The following FMN2 variants were observed in gnomAD, a reference collection of about 807,000 sequenced individuals.
FMN2 encodes formin 2, also known as formin-2.
In FMN2, 51 loss-of-function variants were observed where a neutral mutation model predicts 142.3. That is an observed-to-expected ratio of 0.36 (90% CI 0.29 to 0.45). FMN2 has a LOEUF of 0.45. Ranked by LOEUF, FMN2 falls within the 20% of genes least tolerant of loss-of-function variation. The pLI is 1.00. For missense variants in FMN2, 1,936 were observed against 2,122.8 expected (o/e 0.91, Z 1.73); for synonymous variants, 882 against 869.8 (o/e 1.01, Z -0.25).
chr1:240,205,456 C>CTTTTTTTT (rs36115091), intron 4 of FMN2, among the ~76,000 whole-genome samples: 7 of 97,474 alleles, frequency 7.2e-5, no homozygotes, highest in African/African-American at 2.2e-4. Context: ...ATGCTCTTTC[C>CTTTTTTTT]TTTTTTTTTT....
At chr1:240,314,861 T>G (rs1670719997) in intron 8 of FMN2, among the ~76,000 whole-genome samples, 1 of 152,248 alleles carries the variant, frequency 6.6e-6, no homozygotes, top group African/African-American at 2.4e-5. Context: ...TGTTCTTCTG[T>G]GATCTGCCTC....
At chr1:240,358,708 A>G (rs989327939) in intron 14 of FMN2, among the ~76,000 whole-genome samples, 2 of 152,106 alleles carry the variant, frequency 1.3e-5, no homozygotes, top group African/African-American at 4.8e-5. Flanking sequence ...TATCATAAGA[A>G]CGGCATGGAG....
intron 6 of FMN2, among the ~76,000 whole-genome samples, chr1:240,224,705 A>G (rs1477244181): frequency 6.6e-6 from 1 of 152,160 alleles, no homozygotes; most frequent in Non-Finnish European, 1.5e-5. Flanking sequence ...GCCGCACAGA[A>G]AGCCAATCAC....
Position 240,127,147 on chromosome 1 carries a change from T to A in FMN2, c.1782+3802T>A, listed in dbSNP as rs544612023. ...TTTTTTTTTTTTTTTTGAAACGGAG[T>A]CTCGCTCTATTGCCTAGGCTGGAGC... On this transcript the variant is annotated intron_variant, in intron 2 of 17. Coordinates refer to ENST00000319653, the MANE Select transcript of FMN2 (RefSeq NM_020066.5). 2.3e-3 allele frequency among the ~76,000 whole-genome samples: 327 copies of A among 139,528 alleles called. 1 individual carries two copies. The highest frequency in any genetic ancestry group is 8.3e-3 in the African/African-American group (307 of 37,086). 91.5% of individuals were successfully genotyped at this position (139,528 alleles called of 152,430 possible). A position where few individuals can be genotyped will look rare whatever the true frequency, so the allele number is the denominator to read the frequency against.
chr1:240,346,339 A>ATAT (rs1671906681), intron 13 of FMN2, among the ~76,000 whole-genome samples: 1 of 152,164 alleles, frequency 6.6e-6, no homozygotes, highest in Admixed American at 6.5e-5. Flanking sequence ...TTGTATACAA[A>ATAT]TATTATTTGT....
At chr1:240,111,992 A>C (rs903416172) in intron 1 of FMN2, among the ~76,000 whole-genome samples, 1 of 152,208 alleles carries the variant, frequency 6.6e-6, no homozygotes, top group Non-Finnish European at 1.5e-5. Context: ...AGAATTCTTC[A>C]TGGTTATACT....
rs1481608702 is a variant in FMN2, at chr1:240,208,610, A to G, written c.3798A>G (p.Pro1266=). 1.2e-6 allele frequency: 2 copies of G among 1,613,724 alleles called. No homozygotes were observed. The highest frequency in any genetic ancestry group is 8.5e-7 in the Non-Finnish European group (1 of 1,180,022). Residue 1266 remains proline, a synonymous_variant, in exon 5 of 18, where the codon CCA becomes CCG. Transcript: ENST00000319653. ...AGGTGTGTGGATTTCTTCCTCCTCC[A>G]TTGCCAAGTGGCTTGTTTGGATTAG... The part of the protein sequence containing the change: ...TPQVCGFLPP[P]LPSGLFGLGM...
At chr1:240,188,320 T>TG in intron 4 of FMN2, 58 bp downstream of exon 4, 1 of 1,558,910 alleles carries the variant, frequency 6.4e-7, no homozygotes, top group African/African-American at 1.4e-5. Context: ...CTTAAGATTG[T>TG]GACAGACTCT....
intron 2 of FMN2, among the ~76,000 whole-genome samples, chr1:240,150,118 A>G (rs964870488): frequency 6.6e-6 from 1 of 152,214 alleles, no homozygotes; most frequent in Non-Finnish European, 1.5e-5. Flanking sequence ...ATTAAGTTGT[A>G]TTTGCTAAAG....
intron 2 of FMN2, among the ~76,000 whole-genome samples, chr1:240,157,429 T>C (rs1433146392): frequency 6.6e-6 from 1 of 152,244 alleles, no homozygotes; most frequent in Non-Finnish European, 1.5e-5. Context: ...GCTTCTGTTA[T>C]GGCTCTGCAC....
intron 15 of FMN2, among the ~76,000 whole-genome samples, chr1:240,427,760 T>C (rs2103155734): frequency 6.6e-6 from 1 of 152,316 alleles, no homozygotes; most frequent in East Asian, 1.9e-4. Context: ...GATAGGTAGT[T>C]AGCTCTAGAT....
At chr1:240,171,509 C>T (rs1236489761) in intron 2 of FMN2, among the ~76,000 whole-genome samples, 1 of 152,188 alleles carries the variant, frequency 6.6e-6, no homozygotes, top group South Asian at 2.1e-4. Context: ...AATATTTTAA[C>T]ATAATAAAAG....
intron 6 of FMN2, among the ~76,000 whole-genome samples, chr1:240,222,014 A>AT (rs71170722): frequency 0.048 from 6,252 of 129,716 alleles, 334 homozygotes; most frequent in African/African-American, 0.13. Flanking sequence ...CACCCAGCTA[A>AT]TTTTTTTTTT....
intron 1 of FMN2, among the ~76,000 whole-genome samples, chr1:240,104,979 T>C (rs1036914280): frequency 2.6e-5 from 4 of 152,070 alleles, no homozygotes; most frequent in Non-Finnish European, 4.4e-5. Flanking sequence ...TACAGGGAGC[T>C]ATGGGAGAAC....
chr1:240,199,818 C>T (rs1270816467), intron 4 of FMN2, among the ~76,000 whole-genome samples: 1 of 152,166 alleles, frequency 6.6e-6, no homozygotes, highest in African/African-American at 2.4e-5. Context: ...TAACCTTCCT[C>T]CATTTATAAG....
intron 2 of FMN2, among the ~76,000 whole-genome samples, chr1:240,126,034 C>G (rs1198147957): frequency 6.6e-6 from 1 of 152,110 alleles, no homozygotes; most frequent in African/African-American, 2.4e-5. Flanking sequence ...ATTAAAGATA[C>G]TCTTGTATGA....
chr1:240,179,204 A>G (rs952410923), intron 3 of FMN2: 3 of 152,228 alleles, frequency 2.0e-5, no homozygotes, highest in African/African-American at 7.2e-5. Context: ...ATTTATTACA[A>G]TTATTATCAT....
chr1:240,106,403 T>G (rs184748893), intron 1 of FMN2, among the ~76,000 whole-genome samples: 110 of 152,344 alleles, frequency 7.2e-4, no homozygotes, highest in African/African-American at 2.3e-3. Flanking sequence ...AATTTCATAT[T>G]GTCTTTTAAA....
chr1:240,331,766 C>T (rs753089271), intron 11 of FMN2, among the ~76,000 whole-genome samples: 7 of 152,164 alleles, frequency 4.6e-5, no homozygotes, highest in Non-Finnish European at 7.3e-5. Context: ...ACCTAGTAAA[C>T]ATCAAAGCTT....
Sources: allele counts gnomAD v4.1 joint callset (sites outside exome capture counted in the v4.1 genomes callset), GRCh38; gene constraint gnomAD v4.1.1; transcripts MANE v1.5; gene names NCBI Gene and HGNC (gene_info 2026-07-23, HGNC 2026-07-21).